The following CADPS2 variants were observed in gnomAD, a reference collection of about 807,000 sequenced individuals.
CADPS2 encodes the protein calcium dependent secretion activator 2.
Under a neutral mutation model 172.5 loss-of-function variants are expected in CADPS2, and 93 were observed. The observed-to-expected ratio is 0.54, with a 90% CI of 0.46 to 0.64. CADPS2 has a LOEUF of 0.64. Ranked by LOEUF, CADPS2 falls within the 30% of genes least tolerant of loss-of-function variation. The pLI is 0.00. For missense variants in CADPS2, 1,420 were observed against 1,565.9 expected, an observed-to-expected ratio of 0.91 and a Z score of 1.57; for synonymous variants, 546 against 555.2, an observed-to-expected ratio of 0.98 and a Z score of 0.23.
In CADPS2 at chr7:122,520,553, T is replaced by A. The variant is rs575873001; in HGVS notation, c.1476-7238A>T. ...TAACTCATCTTCATATCACAATATG[T>A]TTGAACTATATCCCATATTATTCTA... On this transcript the variant is annotated intron_variant, in intron 8 of 29. Transcript: ENST00000449022. 2.1e-3 allele frequency among the ~76,000 whole-genome samples: 327 copies of A among 152,184 alleles called. 4 individuals are homozygous for A. The highest frequency in any genetic ancestry group is 7.5e-3 in the African/African-American group (310 of 41,566).
chr7:122,620,281 T>C (rs1179516617), intron 5 of CADPS2, among the ~76,000 whole-genome samples: 7 of 152,196 alleles, frequency 4.6e-5, no homozygotes, highest in Non-Finnish European at 1.0e-4. Flanking sequence ...TGTTACTATT[T>C]ACTCACGGAA....
At chr7:122,609,304 C>A (rs2074000290) in intron 6 of CADPS2, among the ~76,000 whole-genome samples, 1 of 152,096 alleles carries the variant, frequency 6.6e-6, no homozygotes. Flanking sequence ...CTCCTACTAT[C>A]CCTCCATTTC....
chr7:122,738,868 A>C (rs2092327464), intron 1 of CADPS2, among the ~76,000 whole-genome samples: 1 of 151,814 alleles, frequency 6.6e-6, no homozygotes, highest in African/African-American at 2.4e-5. Flanking sequence ...AAAAAAAAAA[A>C]AAACTTTTGC....
At chr7:122,583,256 C>A (rs2069102457) in intron 6 of CADPS2, among the ~76,000 whole-genome samples, 1 of 151,712 alleles carries the variant, frequency 6.6e-6, no homozygotes, top group African/African-American at 2.4e-5. Context: ...TTTAAGTGTC[C>A]ATAAAATGAG....
chr7:122,723,611 A>T (rs1006848653), intron 2 of CADPS2, among the ~76,000 whole-genome samples: 6 of 152,192 alleles, frequency 3.9e-5, no homozygotes, highest in Non-Finnish European at 8.8e-5. Flanking sequence ...ATTGTGGAAG[A>T]CAGTGTGGCG....
chr7:122,788,806 T>A (rs1794637496), intron 1 of CADPS2, among the ~76,000 whole-genome samples: 1 of 152,194 alleles, frequency 6.6e-6, no homozygotes, highest in South Asian at 2.1e-4. Context: ...GTCATAGAGC[T>A]CCACTTTGTT....
chr7:122,400,568 A>T (rs1034524509), intron 20 of CADPS2, among the ~76,000 whole-genome samples: 8 of 152,232 alleles, frequency 5.3e-5, no homozygotes, highest in Non-Finnish European at 2.9e-5. Context: ...TTCATTTACC[A>T]TACTGGTCAG....
At chr7:122,783,914 C>T (rs1487154215) in intron 1 of CADPS2, among the ~76,000 whole-genome samples, 1 of 152,156 alleles carries the variant, frequency 6.6e-6, no homozygotes, top group Non-Finnish European at 1.5e-5. Context: ...GTTATGCAAA[C>T]TCTCAGGCCT....
At chr7:122,504,780 G>A (rs2059487309) in intron 9 of CADPS2, among the ~76,000 whole-genome samples, 2 of 152,054 alleles carry the variant, frequency 1.3e-5, no homozygotes, top group African/African-American at 4.8e-5. Context: ...GTTCAGACTG[G>A]TCTCAAGCTC....
chr7:122,565,285 T>C (rs1280277531), intron 7 of CADPS2, among the ~76,000 whole-genome samples: 7 of 151,522 alleles, frequency 4.6e-5, no homozygotes, highest in Non-Finnish European at 8.8e-5. Flanking sequence ...AACTAGTCAG[T>C]AGTCACTTAA....
chr7:122,425,866 C>T (rs1307280576), intron 17 of CADPS2: 1 of 152,046 alleles, frequency 6.6e-6, no homozygotes, highest in Non-Finnish European at 1.5e-5. Flanking sequence ...ACATTCTTTC[C>T]ATGTCATTTG....
chr7:122,714,976 AC>A (rs1346761967), intron 2 of CADPS2, among the ~76,000 whole-genome samples: 4 of 152,248 alleles, frequency 2.6e-5, no homozygotes, highest in Non-Finnish European at 5.9e-5. Flanking sequence ...TGGATGAACC[AC>A]AGGAAGACAT....
At chr7:122,764,941 C>G (rs1005847408) in intron 1 of CADPS2, among the ~76,000 whole-genome samples, 1 of 152,142 alleles carries the variant, frequency 6.6e-6, no homozygotes, top group African/African-American at 2.4e-5. Context: ...AGGTATTTTA[C>G]TAAATAACTT....
intron 1 of CADPS2, among the ~76,000 whole-genome samples, chr7:122,876,048 C>T (rs1390088303): frequency 6.6e-6 from 1 of 152,142 alleles, no homozygotes; most frequent in African/African-American, 2.4e-5. Context: ...TGGCCAGGTA[C>T]AGTGGCTCAT....
intron 17 of CADPS2, chr7:122,436,506 T>G (rs1028807845): frequency 3.3e-6 from 1 of 299,340 alleles, no homozygotes; most frequent in East Asian, 1.5e-4. Context: ...GGATAAAACA[T>G]AAATACTTTT....
intron 17 of CADPS2, among the ~76,000 whole-genome samples, chr7:122,417,026 T>G (rs1035904396): frequency 1.3e-4 from 19 of 151,716 alleles, no homozygotes; most frequent in Non-Finnish European, 1.9e-4. Context: ...AGCAAGGAGG[T>G]TGTGAGGAAA....
At chr7:122,529,221 C>T (rs1227756847) in intron 8 of CADPS2, among the ~76,000 whole-genome samples, 2 of 151,486 alleles carry the variant, frequency 1.3e-5, no homozygotes, top group African/African-American at 4.9e-5. Context: ...AAATCAGTAC[C>T]TTCCCACCCC....
chr7:122,863,015 A>G (rs900477532), intron 1 of CADPS2, among the ~76,000 whole-genome samples: 1 of 152,172 alleles, frequency 6.6e-6, no homozygotes, highest in Non-Finnish European at 1.5e-5. Context: ...GACATTTTGA[A>G]ATAAGGGCTT....
intron 11 of CADPS2, among the ~76,000 whole-genome samples, chr7:122,481,162 C>CTTTTTTTTTT (rs35352953): frequency 9.3e-6 from 1 of 107,542 alleles, no homozygotes; most frequent in Non-Finnish European, 1.8e-5. Context: ...TTTCTTCATT[C>CTTTTTTTTTT]TTTTTTTTTT....
Sources: allele counts gnomAD v4.1 joint callset (sites outside exome capture counted in the v4.1 genomes callset), GRCh38; gene constraint gnomAD v4.1.1; transcripts MANE v1.5; gene names NCBI Gene and HGNC (gene_info 2026-07-23, HGNC 2026-07-21).